The following ZDHHC2 variants were observed in gnomAD, a reference collection of about 807,000 sequenced individuals.
ZDHHC2 encodes the protein palmitoyltransferase ZDHHC2.
In ZDHHC2, 51 loss-of-function variants were observed where a neutral mutation model predicts 55.6. The observed-to-expected ratio is 0.92, with a 90% CI of 0.73 to 1.16. The LOEUF is 1.16. Among genes scored for constraint, ZDHHC2 ranks in the 50% most tolerant of loss-of-function variants. ZDHHC2 has a pLI of 0.00. For synonymous variants in ZDHHC2, 199 were observed against 152.9 expected (o/e 1.30, Z -2.22); for missense variants, 491 against 442.4 (o/e 1.11, Z -0.99).
At chr8:17,158,218 T>G (rs562907727) in intron 1 of ZDHHC2, among the ~76,000 whole-genome samples, 1 of 152,270 alleles carries the variant, frequency 6.6e-6, no homozygotes, top group East Asian at 1.9e-4. Context: ...TGTAGTAAAT[T>G]TTGTATTAAC....
At chr8:17,193,265 T>G (rs1049518573) in intron 3 of ZDHHC2, among the ~76,000 whole-genome samples, 1 of 152,222 alleles carries the variant, frequency 6.6e-6, no homozygotes, top group Non-Finnish European at 1.5e-5. Context: ...CCAGTAATAC[T>G]GTGGTTCTTA....
chr8:17,161,894 G>A (rs963596171), intron 1 of ZDHHC2, among the ~76,000 whole-genome samples: 1 of 152,100 alleles, frequency 6.6e-6, no homozygotes, highest in Non-Finnish European at 1.5e-5. Flanking sequence ...GAAATTATTA[G>A]TTGTTGGCAA....
At chr8:17,165,317 A>G (rs1804550939) in intron 1 of ZDHHC2, among the ~76,000 whole-genome samples, 1 of 152,240 alleles carries the variant, frequency 6.6e-6, no homozygotes, top group Non-Finnish European at 1.5e-5. Context: ...AACTATGACT[A>G]GTGATTAGCC....
chr8:17,218,106 G>C (rs1369568161), intron 12 of ZDHHC2, among the ~76,000 whole-genome samples: 2 of 152,152 alleles, frequency 1.3e-5, no homozygotes, highest in Admixed American at 1.3e-4. Context: ...GCAAAATGCT[G>C]ACCTGGCAAT....
At chr8:17,213,947 G>A (rs1215901560) in intron 10 of ZDHHC2, among the ~76,000 whole-genome samples, 1 of 152,068 alleles carries the variant, frequency 6.6e-6, no homozygotes, top group African/African-American at 2.4e-5. Context: ...TGTTAAAGCT[G>A]CACAAAATTG....
At chr8:17,157,793 C>CAA (rs1804138255) in intron 1 of ZDHHC2, among the ~76,000 whole-genome samples, 1 of 152,142 alleles carries the variant, frequency 6.6e-6, no homozygotes, top group African/African-American at 2.4e-5. Flanking sequence ...CTCCACCTAA[C>CAA]AAAGTGTCTG....
chr8:17,164,089 G>A (rs1804489177), intron 1 of ZDHHC2, among the ~76,000 whole-genome samples: 1 of 152,088 alleles, frequency 6.6e-6, no homozygotes, highest in South Asian at 2.1e-4. Flanking sequence ...AAGAAGAATA[G>A]GATAGCTGTA....
chr8:17,208,271 T>C (rs1807203510), intron 8 of ZDHHC2, among the ~76,000 whole-genome samples, 179 bp downstream of exon 8: 1 of 150,648 alleles, frequency 6.6e-6, no homozygotes, highest in African/African-American at 2.4e-5. Context: ...ATTCCATATA[T>C]TTATTGATTG....
At chr8:17,186,526 G>T (rs1805720477) in intron 3 of ZDHHC2, 101 bp downstream of exon 3, 3 of 660,824 alleles carry the variant, frequency 4.5e-6, no homozygotes, top group Admixed American at 3.9e-5. Context: ...AACTTATTGA[G>T]TTTAGTGACT....
At chr8:17,172,146 C>T (rs1029073173) in intron 1 of ZDHHC2, among the ~76,000 whole-genome samples, 1 of 152,124 alleles carries the variant, frequency 6.6e-6, no homozygotes, top group African/African-American at 2.4e-5. Flanking sequence ...TTCCTGTATC[C>T]ATTTATCCTT....
intron 6 of ZDHHC2, among the ~76,000 whole-genome samples, chr8:17,203,388 G>A (rs1446785735): frequency 6.6e-6 from 1 of 151,942 alleles, no homozygotes; most frequent in African/African-American, 2.4e-5. Context: ...GTGCCACCAT[G>A]CCCGGCTAAT....
At chr8:17,214,460 C>T (rs1252016089) in intron 10 of ZDHHC2, among the ~76,000 whole-genome samples, 44 of 152,140 alleles carry the variant, frequency 2.9e-4, no homozygotes, top group Non-Finnish European at 2.9e-5. Context: ...CTTTGTCTTC[C>T]TACCATCACA....
At chr8:17,205,186 C>A (rs1316720288) in intron 6 of ZDHHC2, among the ~76,000 whole-genome samples, 2 of 152,194 alleles carry the variant, frequency 1.3e-5, no homozygotes, top group Non-Finnish European at 2.9e-5. Context: ...TATGCTTTGA[C>A]AGTCCGCTTG....
At chr8:17,178,117 AG>A (rs1174700832) in intron 1 of ZDHHC2, among the ~76,000 whole-genome samples, 1 of 152,058 alleles carries the variant, frequency 6.6e-6, no homozygotes, top group Non-Finnish European at 1.5e-5. Context: ...AGTATCTGAA[AG>A]CTTGAATTTT....
chr8:17,208,667 A>G (rs887811182), intron 8 of ZDHHC2, among the ~76,000 whole-genome samples: 4 of 152,174 alleles, frequency 2.6e-5, no homozygotes, highest in African/African-American at 9.7e-5. Flanking sequence ...CAGTATTTTG[A>G]AATGAAACAT....
intron 1 of ZDHHC2, among the ~76,000 whole-genome samples, chr8:17,174,064 A>G (rs866219459): frequency 2.0e-5 from 3 of 151,698 alleles, no homozygotes; most frequent in Non-Finnish European, 1.5e-5. Context: ...CGGCACCTCA[A>G]TTTGTGCTCT....
chr8:17,216,178 G>A lies in ZDHHC2; in HGVS notation c.1063+829G>A, dbSNP rs186864649. Among the ~76,000 whole-genome samples, 41 of 152,212 alleles carry A rather than the reference G, an allele frequency of 2.7e-4. No individual in the cohort carries two copies. The East Asian group carries it at 6.8e-3, about 25-fold the overall frequency. On this transcript the variant is annotated intron_variant, in intron 11 of 12. Coordinates refer to ENST00000262096, the MANE Select transcript of ZDHHC2 (RefSeq NM_016353.5). ...ATTGACTACTAACCTTTTCTCCTTC[G>A]TTTCTAGTCTTTTCAAATAAACCAG... is the stretch of plus-strand genomic sequence containing the variant.
At chr8:17,183,851 C>T (rs1805559398) in intron 1 of ZDHHC2, among the ~76,000 whole-genome samples, 1 of 151,918 alleles carries the variant, frequency 6.6e-6, no homozygotes, top group African/African-American at 2.4e-5. Context: ...TCTAGAAATG[C>T]CTGAACTTAT....
intron 9 of ZDHHC2, 56 bp from the exon 10 acceptor site, chr8:17,210,332 G>A (rs922855357): frequency 3.9e-5 from 61 of 1,546,890 alleles, no homozygotes; most frequent in Non-Finnish European, 5.0e-5. Flanking sequence ...TTTTGGCAGG[G>A]TTTCACTCCG....
Sources: allele counts gnomAD v4.1 joint callset (sites outside exome capture counted in the v4.1 genomes callset), GRCh38; gene constraint gnomAD v4.1.1; transcripts MANE v1.5; gene names NCBI Gene and HGNC (gene_info 2026-07-23, HGNC 2026-07-21).